Variants in SMCHD1 observed in about 807,000 individuals in gnomAD.
SMCHD1 encodes the protein structural maintenance of chromosomes flexible hinge domain containing 1.
In SMCHD1, 78 loss-of-function variants were observed where a neutral mutation model predicts 254.7. That is an observed-to-expected ratio of 0.31 (90% CI 0.26 to 0.37). The LOEUF (loss-of-function observed/expected upper bound fraction) is 0.37, where lower values mean the gene tolerates loss of function less well. Ranked by LOEUF, SMCHD1 falls within the 10% of genes least tolerant of loss-of-function variation. The pLI is 1.00. For synonymous variants in SMCHD1, 766 were observed against 794.9 expected (o/e 0.96, Z 0.61); for missense variants, 1,840 against 2,408.1 (o/e 0.76, Z 4.94).
intron 19 of SMCHD1, among the ~76,000 whole-genome samples, chr18:2,720,990 T>G (rs1336282946): frequency 6.6e-6 from 1 of 152,192 alleles, no homozygotes. Context: ...AAACCTTCCA[T>G]CTTTTGCTGG....
chr18:2,680,047 T>C (rs1414199608), intron 5 of SMCHD1, among the ~76,000 whole-genome samples: 1 of 152,212 alleles, frequency 6.6e-6, no homozygotes, highest in Non-Finnish European at 1.5e-5. Context: ...TTCAGTTCTT[T>C]TTTATAATTT....
Position 2,750,399 on chromosome 18 carries a change from G to A in SMCHD1, c.4057G>A (p.Glu1353Lys). 6.2e-7 allele frequency: 1 copy of A among 1,612,692 alleles called. No homozygotes were observed. The highest frequency in any genetic ancestry group is 1.7e-5 in the Admixed American group (1 of 59,900). Residue 1353 changes from glutamate (E) to lysine (K), a missense_variant, in exon 32 of 48, where the codon GAA (glutamate) becomes AAA (lysine). Physicochemically the swap from Glu to Lys is moderately conservative, Grantham distance 56 (BLOSUM62 1). Around this residue, in one of 9 missense-constraint regions of SMCHD1, gnomAD observed 881 missense variants for 1,009.5 expected, o/e 0.87. Transcript: ENST00000320876. The stretch of plus-strand genomic sequence containing the variant: ...AGCCATCTATAACAAAAGTATCATA[G>A]AAGGACCTATAATTAAGTTAATGAT... ...VKAIYNKSII[E>K]GPIIKLMILP...
In SMCHD1 at chr18:2,667,114, G is replaced by A. The variant is rs192115892; in HGVS notation, c.424+83G>A. The stretch of plus-strand genomic sequence containing the variant: ...TACGTATCCCATTCCTTCACTTTTT[G>A]TAAATCTTCTTATTACACTTTATTA... On this transcript the variant is annotated intron_variant, in intron 3 of 47. Coordinates refer to ENST00000320876, the MANE Select transcript of SMCHD1 (RefSeq NM_015295.3). 94 of 1,013,154 alleles carry A rather than the reference G, an allele frequency of 9.3e-5. 1 individual carries two copies. In the South Asian group the frequency reaches 1.2e-3, roughly 12 times the overall value. 62.8% of individuals were successfully genotyped at this position (1,013,154 alleles called of 1,614,324 possible).
chr18:2,759,532 G>C (rs1598412715), intron 34 of SMCHD1, among the ~76,000 whole-genome samples: 1 of 93,458 alleles, frequency 1.1e-5, no homozygotes, highest in Admixed American at 1.1e-4. Flanking sequence ...ATGAAGGGTT[G>C]GCCTGCCATT....
rs191335782 is a variant in SMCHD1, at chr18:2,705,448, A to C, written c.1843-246A>C. Among the ~76,000 whole-genome samples, 336 of 152,258 alleles carry C rather than the reference A, an allele frequency of 2.2e-3. 3 individuals are homozygous for C. The highest frequency in any genetic ancestry group is 7.9e-3 in the African/African-American group (327 of 41,516). On this transcript the variant is annotated intron_variant, in intron 13 of 47. Transcript: ENST00000320876. ...AAGGAATTCTGGACTTGTAAGACAC[A>C]TGCTTAATTCTAACACATTTGTATA...
intron 1 of SMCHD1, among the ~76,000 whole-genome samples, chr18:2,656,570 C>T (rs1474051897): frequency 6.6e-6 from 1 of 152,232 alleles, no homozygotes; most frequent in East Asian, 1.9e-4. Context: ...GCGAGCTTAG[C>T]CCGGTTGCGG....
intron 3 of SMCHD1, chr18:2,673,063 T>C: frequency 1.0e-6 from 1 of 985,418 alleles, no homozygotes; most frequent in Admixed American, 6.1e-5. Context: ...TGACTCATGC[T>C]GTATAGTGCC....
intron 47 of SMCHD1, chr18:2,801,327 A>G (rs1022404160): frequency 2.6e-5 from 4 of 152,202 alleles, no homozygotes; most frequent in African/African-American, 9.7e-5. Context: ...GTACATGGGG[A>G]GACACACACA....
chr18:2,726,311 A>C (rs1344062690), intron 21 of SMCHD1, 141 bp from the exon 22 acceptor site: 1 of 433,908 alleles, frequency 2.3e-6, no homozygotes, highest in East Asian at 4.3e-5. Context: ...CATATATGAT[A>C]ATTTTAGTAA....
Position 2,738,557 on chromosome 18 carries a change from C to T in SMCHD1, c.3425+12C>T. The T allele has an allele frequency of 1.3e-6, 2 of 1,593,330 alleles. No individual in the cohort carries two copies. Among genetic ancestry groups the T allele is most frequent in the South Asian group, 1.1e-5 (1 of 88,180 alleles). On this transcript the variant is annotated intron_variant, in intron 26 of 47. Transcript: ENST00000320876. ...GCGTTTACAGTAAGGTTTGTGGACT[C>T]ATTATATTTTGCAGCCTATGGCAAC...
intron 45 of SMCHD1, among the ~76,000 whole-genome samples, chr18:2,786,849 C>T (rs1340493958): frequency 3.3e-5 from 5 of 152,086 alleles, no homozygotes; most frequent in Non-Finnish European, 4.4e-5. Context: ...TGGTATTGTG[C>T]GGTGCGTACT....
rs145850062 is a variant in SMCHD1 at position 2,730,392 on chromosome 18, G to A, written c.3048+983G>A. Reference sequence around the variant, plus strand: ...TCACCGTGTTAGCCAGGATGGTCTCGACCTCCTGAGCTCGTGATCCACCCA... The same window carrying A: ...TCACCGTGTTAGCCAGGATGGTCTCAACCTCCTGAGCTCGTGATCCACCCA... On this transcript the variant is annotated intron_variant, in intron 24 of 47. Coordinates refer to ENST00000320876, the MANE Select transcript of SMCHD1 (RefSeq NM_015295.3). 1.2e-3 allele frequency among the ~76,000 whole-genome samples: 188 copies of A among 152,120 alleles called. No homozygotes were observed. In the South Asian group the frequency reaches 0.013, roughly 10 times the overall value.
At chr18:2,710,394 T>C (rs981240091) in intron 17 of SMCHD1, among the ~76,000 whole-genome samples, 2 of 152,224 alleles carry the variant, frequency 1.3e-5, no homozygotes, top group Admixed American at 6.5e-5. Flanking sequence ...TCCCTATGAA[T>C]GTAGGATGCG....
At chr18:2,704,758 G>C (rs1471043362) in intron 13 of SMCHD1, among the ~76,000 whole-genome samples, 1 of 152,094 alleles carries the variant, frequency 6.6e-6, no homozygotes, top group Non-Finnish European at 1.5e-5. Context: ...AAGGCTCTCT[G>C]TTCTCTCCAT....
intron 3 of SMCHD1, among the ~76,000 whole-genome samples, chr18:2,670,659 G>T (rs967885822): frequency 6.6e-6 from 1 of 152,050 alleles, no homozygotes; most frequent in Non-Finnish European, 1.5e-5. Context: ...CCAGCACTTT[G>T]GGAAGCCCCG....
At chr18:2,751,047 A>G (rs2143622896) in intron 32 of SMCHD1, among the ~76,000 whole-genome samples, 1 of 152,220 alleles carries the variant, frequency 6.6e-6, no homozygotes, top group South Asian at 2.1e-4. Flanking sequence ...TACATAAAGC[A>G]TATGGTGCTA....
intron 47 of SMCHD1, among the ~76,000 whole-genome samples, chr18:2,802,274 A>G (rs146883062): frequency 6.6e-6 from 1 of 152,190 alleles, no homozygotes; most frequent in Non-Finnish European, 1.5e-5. Flanking sequence ...TACCATTTCA[A>G]AGCACTGTGA....
At chr18:2,762,878 C>T (rs982386580) in intron 36 of SMCHD1, among the ~76,000 whole-genome samples, 2 of 152,138 alleles carry the variant, frequency 1.3e-5, no homozygotes, top group African/African-American at 2.4e-5. Context: ...ATGTCCGGTT[C>T]ACTGAGGGGA....
chr18:2,685,243 G>A, intron 5 of SMCHD1, among the ~76,000 whole-genome samples: 1 of 151,702 alleles, frequency 6.6e-6, no homozygotes, highest in Admixed American at 6.6e-5. Flanking sequence ...GGGACTACAG[G>A]CGCCCGCCAC....
Sources: allele counts gnomAD v4.1 joint callset (sites outside exome capture counted in the v4.1 genomes callset), GRCh38; gene constraint gnomAD v4.1.1; regional missense constraint gnomAD v4.1.1; transcripts MANE v1.5; gene names NCBI Gene and HGNC (gene_info 2026-07-23, HGNC 2026-07-21).